The following PRH1 variants were observed in gnomAD, a reference collection of about 807,000 sequenced individuals.
PRH1 encodes proline rich protein HaeIII subfamily 1.
PRH1 carries 7 observed loss-of-function variants against 7.9 expected under a neutral mutation model. That is an observed-to-expected ratio of 0.89 (90% CI 0.50 to 1.67). PRH1 has a LOEUF of 1.67. PRH1 is among the 40% of genes most tolerant of loss of function. PRH1 has a pLI of 0.00. For synonymous variants in PRH1, 45 were observed against 80.8 expected, an observed-to-expected ratio of 0.56 and a Z score of 2.38; for missense variants, 109 against 223.6, an observed-to-expected ratio of 0.49 and a Z score of 3.27.
intron 1 of PRH1, chr12:11,171,380 C>T (rs148825190): frequency 8.1e-7 from 1 of 1,231,838 alleles, no homozygotes; most frequent in Non-Finnish European, 1.0e-6. Context: ...CGGCTCCGTC[C>T]TCCTTGGCCG....
At chr12:11,099,910 T>A (rs1945184851) in intron 1 of PRH1, among the ~76,000 whole-genome samples, 1 of 152,134 alleles carries the variant, frequency 6.6e-6, no homozygotes, top group Non-Finnish European at 1.5e-5. Flanking sequence ...GTTTGTCCTG[T>A]GAGGTGGATA....
intron 2 of PRH1, among the ~76,000 whole-genome samples, chr12:10,935,902 C>T (rs527798630): frequency 1.4e-4 from 21 of 152,152 alleles, no homozygotes; most frequent in Admixed American, 3.3e-4. Context: ...AGGATAGGAG[C>T]GCCAACACAT....
intron 1 of PRH1, among the ~76,000 whole-genome samples, chr12:11,024,665 C>T (rs1255011557): frequency 6.6e-6 from 1 of 151,494 alleles, no homozygotes; most frequent in East Asian, 1.9e-4. Flanking sequence ...TTTGATTTTA[C>T]TGTAATTATT....
chr12:11,151,290 T>C (rs1330369641), intron 1 of PRH1, among the ~76,000 whole-genome samples: 1 of 151,400 alleles, frequency 6.6e-6, no homozygotes, highest in Non-Finnish European at 1.5e-5. Flanking sequence ...TTTTTTTCAA[T>C]GTGCCCTGCT....
chr12:10,970,558 T>G (rs1938759267), intron 2 of PRH1, among the ~76,000 whole-genome samples: 1 of 141,192 alleles, frequency 7.1e-6, no homozygotes. Context: ...AAGAAAAGTT[T>G]TTTTGTTTTT....
intron 1 of PRH1, among the ~76,000 whole-genome samples, chr12:11,111,601 C>CAATGAGAACA (rs1945592381): frequency 6.6e-6 from 1 of 152,038 alleles, no homozygotes; most frequent in South Asian, 2.1e-4. Context: ...TCTTTGAAAC[C>CAATGAGAACA]AATGAGAACA....
At chr12:10,964,924 A>T in intron 2 of PRH1, 1 of 595,110 alleles carries the variant, frequency 1.7e-6, no homozygotes, top group Admixed American at 2.2e-5. Flanking sequence ...CCACAACAAG[A>T]TGACAAACCA....
At chr12:10,912,389 T>A (rs1393391639) in intron 2 of PRH1, among the ~76,000 whole-genome samples, 10 of 152,192 alleles carry the variant, frequency 6.6e-5, no homozygotes, top group Admixed American at 1.3e-4. Flanking sequence ...TGTTTTCATG[T>A]AATTTTGATT....
chr12:10,949,416 G>C (rs1371160961), intron 2 of PRH1, among the ~76,000 whole-genome samples: 1 of 152,154 alleles, frequency 6.6e-6, no homozygotes, highest in Admixed American at 6.5e-5. Flanking sequence ...TGGCAGAGAG[G>C]TTTTCAGTTG....
intron 1 of PRH1, among the ~76,000 whole-genome samples, chr12:11,016,399 C>T (rs922234743): frequency 1.3e-5 from 2 of 152,162 alleles, no homozygotes; most frequent in East Asian, 1.9e-4. Flanking sequence ...GCAACGGACT[C>T]GCATATTGGT....
chr12:11,075,527 T>C lies in PRH1; in HGVS notation n.124-28339A>G, dbSNP rs1944254961. Among the ~76,000 whole-genome samples, 3 of 114,824 alleles carry C rather than the reference T, an allele frequency of 2.6e-5. 1 individual carries two copies. Among genetic ancestry groups the C allele is most frequent in the South Asian group, 2.4e-4 (1 of 4,194 alleles). 75.3% of individuals were successfully genotyped at this position (114,824 alleles called of 152,430 possible). ...CTGCTGGGAAGTTCCCTAACATTCTTGTGATGGGGTCTGCTAACCCCGAGC... is the reference window on the plus strand; with the variant it reads ...CTGCTGGGAAGTTCCCTAACATTCTCGTGATGGGGTCTGCTAACCCCGAGC... On this transcript the variant is annotated intron_variant and non_coding_transcript_variant, in intron 1 of 4. Transcript: ENST00000541977.
At chr12:10,949,699 T>C (rs982256484) in intron 2 of PRH1, among the ~76,000 whole-genome samples, 7 of 152,134 alleles carry the variant, frequency 4.6e-5, no homozygotes. Flanking sequence ...AACATAGTTA[T>C]GAAAAGTAAC....
At chr12:11,078,914 GAC>G (rs1381455518) in intron 1 of PRH1, 3 of 152,020 alleles carry the variant, frequency 2.0e-5, no homozygotes, top group Non-Finnish European at 2.9e-5. Flanking sequence ...TAAACACATA[GAC>G]ACACATGCAC....
chr12:10,973,015 G>A (rs1938909249), intron 2 of PRH1, among the ~76,000 whole-genome samples: 1 of 130,452 alleles, frequency 7.7e-6, no homozygotes, highest in Non-Finnish European at 1.5e-5. Flanking sequence ...ATAAATTTCA[G>A]GGAGGTCATG....
At position 11,073,218 on chromosome 12, in the gene PRH1, G is replaced by A. The variant is rs1032148002; in HGVS notation, n.124-26030C>T. ...GCCATCTCGGCTCACTGCAAACTTC[G>A]CCTCCTGGGTTCAATCAGTTCAAAT... On this transcript the variant is annotated intron_variant and non_coding_transcript_variant, in intron 1 of 4. Coordinates refer to the PRH1 transcript ENST00000541977. Among the ~76,000 whole-genome samples, 3 of 120,524 alleles carry A rather than the reference G, an allele frequency of 2.5e-5. 1 individual carries two copies. The highest frequency in any genetic ancestry group is 5.8e-5 in the Non-Finnish European group (3 of 51,292). The allele number at this position is 120,524 out of a possible 152,430, so 79.1% of individuals were successfully genotyped here.
intron 1 of PRH1, among the ~76,000 whole-genome samples, chr12:11,121,905 A>G (rs958119349): frequency 1.3e-5 from 2 of 152,230 alleles, no homozygotes; most frequent in Non-Finnish European, 1.5e-5. Context: ...TACAAATTAC[A>G]ATGGAAAACA....
chr12:11,069,437 ATCT>A, intron 1 of PRH1, among the ~76,000 whole-genome samples: 1 of 96,818 alleles, frequency 1.0e-5, no homozygotes. Context: ...ATCTTGGGCA[ATCT>A]CATGTTTTCA....
In PRH1 at chr12:10,997,838, A is replaced by G. The variant is rs141300962; in HGVS notation, c.-125-24117T>C. The G allele has an allele frequency of 1.5e-4, 234 of 1,603,890 alleles. No homozygotes were observed. The highest frequency in any genetic ancestry group is 1.8e-4 in the Non-Finnish European group (211 of 1,176,828). ...ATTTCCAAGAATAAATGCAACCACT[A>G]CTAGAATGGAAAAAACAATGTGTAG... On this transcript the variant is annotated intron_variant, in intron 1 of 3. Coordinates refer to the PRH1 transcript ENST00000539853.
chr12:11,024,846 CAT>C (rs1370260983), intron 1 of PRH1, among the ~76,000 whole-genome samples: 2 of 152,242 alleles, frequency 1.3e-5, no homozygotes, highest in Admixed American at 1.3e-4. Context: ...TTCTCACAGA[CAT>C]AGAAAAGCCC....
Sources: gnomAD v4.1 joint callset for allele counts (sites outside exome capture counted in the v4.1 genomes callset) on GRCh38, gnomAD v4.1.1 for gene constraint, MANE v1.5 for transcripts, NCBI Gene and HGNC (gene_info 2026-07-23, HGNC 2026-07-21) for gene names.